Variants in PPP2R2C observed in about 807,000 individuals in gnomAD.
PPP2R2C encodes protein phosphatase 2, regulatory subunit B, gamma.
In PPP2R2C, 10 loss-of-function variants were observed where a neutral mutation model predicts 45.3. The observed-to-expected ratio is 0.22, with a 90% confidence interval of 0.14 to 0.37. The LOEUF (loss-of-function observed/expected upper bound fraction) is 0.37, where lower values mean the gene tolerates loss of function less well. Ranked by LOEUF, PPP2R2C falls within the 10% of genes least tolerant of loss-of-function variation. The pLI, the probability that PPP2R2C is intolerant of heterozygous loss-of-function variation, is 1.00. For synonymous variants in PPP2R2C, 257 were observed against 245.4 expected, an observed-to-expected ratio of 1.05 and a Z score of -0.44; for missense variants, 308 against 619.7, an observed-to-expected ratio of 0.50 and a Z score of 5.34.
chr4:6,447,875 TCGCCAG>T (rs1242157245), intron 1 of PPP2R2C, among the ~76,000 whole-genome samples: 1 of 152,038 alleles, frequency 6.6e-6, no homozygotes, highest in Non-Finnish European at 1.5e-5. Context: ...CCCATCGAGG[TCGCCAG>T]CTCCTTTCCC....
intron 1 of PPP2R2C, among the ~76,000 whole-genome samples, chr4:6,389,318 C>T (rs872858): frequency 0.14 from 21,893 of 152,250 alleles, 2,050 homozygotes; most frequent in East Asian, 0.21. Context: ...ACTTGCTCCC[C>T]TCGTCCATCA....
chr4:6,447,033 G>T (rs1577189510), intron 1 of PPP2R2C, among the ~76,000 whole-genome samples: 1 of 152,246 alleles, frequency 6.6e-6, no homozygotes, highest in Non-Finnish European at 1.5e-5. Context: ...GTCCTGCCAG[G>T]AGGTCCTGCC....
chr4:6,383,760 G>T, intron 1 of PPP2R2C: 1 of 940,960 alleles, frequency 1.1e-6, no homozygotes, highest in African/African-American at 1.8e-5. Context: ...AACTTCATGA[G>T]GGCAGGAGCC....
intron 2 of PPP2R2C, among the ~76,000 whole-genome samples, chr4:6,531,927 A>T (rs1436527499): frequency 6.6e-6 from 1 of 152,192 alleles, no homozygotes; most frequent in Non-Finnish European, 1.5e-5. Flanking sequence ...ATGTATTCAC[A>T]TCGGTCTTCC....
intron 1 of PPP2R2C, among the ~76,000 whole-genome samples, chr4:6,386,736 T>C (rs577699788): frequency 2.6e-5 from 4 of 152,258 alleles, no homozygotes; most frequent in African/African-American, 7.2e-5. Context: ...ATACTTAATA[T>C]AAAAGACAGT....
At chr4:6,384,222 G>T (rs1197697205) in intron 1 of PPP2R2C, 4 of 985,330 alleles carry the variant, frequency 4.1e-6, no homozygotes, top group African/African-American at 1.7e-5. Flanking sequence ...CCGATGGGGC[G>T]CTGGTTCTTG....
intron 1 of PPP2R2C, chr4:6,383,625 C>T: frequency 2.0e-6 from 1 of 494,616 alleles, no homozygotes. Flanking sequence ...CTTGCTGAAA[C>T]TGCTGTCTGC....
chr4:6,381,784 C>G lies in PPP2R2C; in HGVS notation c.71-690G>C, dbSNP rs761418217. 4 of 1,613,566 alleles carry G rather than the reference C, an allele frequency of 2.5e-6. No individual in the cohort carries two copies. In the Admixed American group the frequency reaches 6.7e-5, roughly 27 times the overall value. ...ATGGAGTCACCCCCATACCTGGAGT[C>G]TTCAATGCCCAGGGCTGGCCTTCCT... On this transcript the variant is annotated intron_variant, in intron 1 of 8. Coordinates refer to ENST00000382599, the MANE Select transcript of PPP2R2C (RefSeq NM_020416.4).
At chr4:6,444,800 A>G (rs1720333326) in intron 1 of PPP2R2C, among the ~76,000 whole-genome samples, 1 of 152,224 alleles carries the variant, frequency 6.6e-6, no homozygotes. Flanking sequence ...AACAATCTGG[A>G]TAGATCAGAG....
intron 2 of PPP2R2C, among the ~76,000 whole-genome samples, chr4:6,511,137 C>T (rs1723435940): frequency 6.6e-6 from 1 of 152,194 alleles, no homozygotes; most frequent in Non-Finnish European, 1.5e-5. Flanking sequence ...ATAATAATCG[C>T]CCATTGCATG....
chr4:6,358,936 G>T (rs1314380003), intron 5 of PPP2R2C, among the ~76,000 whole-genome samples: 1 of 152,220 alleles, frequency 6.6e-6, no homozygotes, highest in Non-Finnish European at 1.5e-5. Context: ...AAACAGTGTG[G>T]TGATTCCTCA....
At chr4:6,341,170 T>C (rs1457991584) in intron 6 of PPP2R2C, among the ~76,000 whole-genome samples, 1 of 152,066 alleles carries the variant, frequency 6.6e-6, no homozygotes. Context: ...GGCAAAACCT[T>C]GTCTCTACTA....
At chr4:6,511,486 TTGG>T (rs202218710) in intron 2 of PPP2R2C, among the ~76,000 whole-genome samples, 1 of 12,676 alleles carries the variant, frequency 7.9e-5, no homozygotes, top group Non-Finnish European at 1.6e-4. Flanking sequence ...GATGGCGGTG[TTGG>T]TGGTGATGGC....
chr4:6,348,696 G>A (rs1712240039), intron 5 of PPP2R2C: 6 of 985,384 alleles, frequency 6.1e-6, no homozygotes, highest in Middle Eastern at 5.2e-4. Context: ...GCTGGGTGGT[G>A]TAGAAAGAAG....
intron 5 of PPP2R2C, among the ~76,000 whole-genome samples, chr4:6,372,196 C>T (rs1714885397): frequency 6.6e-6 from 1 of 152,244 alleles, no homozygotes; most frequent in Admixed American, 6.5e-5. Flanking sequence ...GCAAGGCCAG[C>T]AGTCCCTCGT....
chr4:6,332,671 C>T lies in PPP2R2C; in HGVS notation c.960+891G>A, dbSNP rs1170284036. On this transcript the variant is annotated intron_variant, in intron 7 of 8. Transcript: ENST00000382599. The surrounding 1 kb of genome is among the most constrained non-coding windows in gnomAD (Gnocchi z 4.9). ...GAGAGACACCTCCCTCATCTCCCTA[C>T]CTCTCAGTGCCCGAGTTCCCTTTCC... Among the ~76,000 whole-genome samples, 1 of 152,188 alleles carries T rather than the reference C, an allele frequency of 6.6e-6. No individual in the cohort carries two copies. The highest frequency in any genetic ancestry group is 1.5e-5 in the Non-Finnish European group (1 of 68,042).
At chr4:6,478,628 C>T (rs1050199157) in intron 2 of PPP2R2C, among the ~76,000 whole-genome samples, 2 of 152,234 alleles carry the variant, frequency 1.3e-5, no homozygotes, top group East Asian at 3.9e-4. Flanking sequence ...ACCTACCTGC[C>T]TGCTACCTCC....
chr4:6,438,373 T>C (rs1335436502), intron 1 of PPP2R2C, among the ~76,000 whole-genome samples: 2 of 152,310 alleles, frequency 1.3e-5, no homozygotes, highest in Middle Eastern at 3.4e-3. Context: ...CTCAAAGGAA[T>C]GTGGCCCAAG....
chr4:6,337,112 G>GTGTGTGTA (rs1202845732), intron 6 of PPP2R2C, among the ~76,000 whole-genome samples: 5 of 30,116 alleles, frequency 1.7e-4, no homozygotes, highest in African/African-American at 5.1e-4. Flanking sequence ...ATGTGTGTGT[G>GTGTGTGTA]TATATATATA....
Sources: allele counts gnomAD v4.1 joint callset (sites outside exome capture counted in the v4.1 genomes callset), GRCh38; gene constraint gnomAD v4.1.1; non-coding constraint Gnocchi (gnomAD v3.1); transcripts MANE v1.5; gene names NCBI Gene and HGNC (gene_info 2026-07-23, HGNC 2026-07-21).